The following PDE4D variants were observed in gnomAD, a reference collection of about 807,000 sequenced individuals.
The protein encoded by PDE4D is 3',5'-cyclic-AMP phosphodiesterase 4D.
PDE4D carries 24 observed loss-of-function variants against 87.4 expected under a neutral mutation model. The observed-to-expected ratio is 0.27, with a 90% CI of 0.20 to 0.39. The LOEUF (loss-of-function observed/expected upper bound fraction) is 0.39. Ranked by LOEUF, PDE4D falls within the 10% of genes least tolerant of loss-of-function variation. The pLI, the probability that PDE4D is intolerant of heterozygous loss-of-function variation, is 1.00. For synonymous variants in PDE4D, 384 were observed against 383.2 expected (o/e 1.00, Z -0.02); for missense variants, 714 against 1,041.0 (o/e 0.69, Z 4.32).
intron 1 of PDE4D, among the ~76,000 whole-genome samples, chr5:59,377,331 G>A (rs142689506): frequency 4.6e-5 from 7 of 151,820 alleles, no homozygotes; most frequent in South Asian, 2.1e-4. Context: ...GTAGGAGAAC[G>A]GCGTGAACCC....
chr5:60,178,350 A>G (rs1431190093), intron 2 of PDE4D, among the ~76,000 whole-genome samples: 3 of 152,106 alleles, frequency 2.0e-5, no homozygotes, highest in Non-Finnish European at 2.9e-5. Flanking sequence ...ACTCAAGGAT[A>G]TGGTCTTCTT....
intron 3 of PDE4D, among the ~76,000 whole-genome samples, chr5:59,975,400 T>C (rs899693197): frequency 2.0e-5 from 3 of 152,204 alleles, no homozygotes; most frequent in Non-Finnish European, 4.4e-5. Context: ...CCAAATATGA[T>C]CTATCTTTTG....
At chr5:59,613,460 T>C (rs146354317) in intron 1 of PDE4D, among the ~76,000 whole-genome samples, 1 of 152,286 alleles carries the variant, frequency 6.6e-6, no homozygotes, top group Non-Finnish European at 1.5e-5. Flanking sequence ...ATATAGACTT[T>C]GAAGTCTTGT....
At chr5:59,997,342 G>C (rs1763609809) in intron 2 of PDE4D, among the ~76,000 whole-genome samples, 1 of 152,086 alleles carries the variant, frequency 6.6e-6, no homozygotes, top group East Asian at 1.9e-4. Flanking sequence ...TCTCTCAAGT[G>C]TTTTGAAAAG....
chr5:59,591,988 T>C (rs77444982), intron 1 of PDE4D: 1,872 of 184,488 alleles, frequency 0.01, 40 homozygotes, highest in African/African-American at 0.041. Flanking sequence ...GTATGTGTAA[T>C]TATACATTTT....
chr5:59,250,141 C>G (rs993414625), intron 1 of PDE4D, among the ~76,000 whole-genome samples: 1 of 151,754 alleles, frequency 6.6e-6, no homozygotes, highest in African/African-American at 2.4e-5. Flanking sequence ...CATGCCTGGC[C>G]TCTTGCTAGG....
chr5:59,200,000 A>G (rs1463381445), intron 2 of PDE4D, among the ~76,000 whole-genome samples: 2 of 150,180 alleles, frequency 1.3e-5, no homozygotes, highest in Non-Finnish European at 3.0e-5. Context: ...GCATACATGC[A>G]TGCAACATAC....
chr5:59,464,338 C>T (rs1801239651), intron 1 of PDE4D, among the ~76,000 whole-genome samples: 1 of 152,236 alleles, frequency 6.6e-6, no homozygotes, highest in Admixed American at 6.5e-5. Flanking sequence ...ATTGTACGTT[C>T]CATCTACTGA....
At chr5:59,702,653 G>A (rs1016501935) in intron 1 of PDE4D, among the ~76,000 whole-genome samples, 2 of 151,908 alleles carry the variant, frequency 1.3e-5, no homozygotes, top group African/African-American at 2.4e-5. Context: ...AAGATGGCTT[G>A]AGTCCAGGAA....
At chr5:60,258,811 AC>A (rs1255829140) in intron 1 of PDE4D, among the ~76,000 whole-genome samples, 1 of 151,998 alleles carries the variant, frequency 6.6e-6, no homozygotes, top group Non-Finnish European at 1.5e-5. Flanking sequence ...TTTCCTATAT[AC>A]AAAAGAGCAA....
chr5:60,463,898 T>A (rs555106925), intron 1 of PDE4D, among the ~76,000 whole-genome samples: 1 of 152,352 alleles, frequency 6.6e-6, no homozygotes, highest in South Asian at 2.1e-4. Context: ...AGAAATAAAA[T>A]ACACACATAC....
chr5:59,995,551 C>T (rs954501394), intron 2 of PDE4D, among the ~76,000 whole-genome samples: 2 of 152,028 alleles, frequency 1.3e-5, no homozygotes, highest in African/African-American at 4.8e-5. Context: ...AACTCTTGAC[C>T]TCAGGTGATC....
intron 1 of PDE4D, among the ~76,000 whole-genome samples, chr5:60,217,472 A>G (rs1743991238): frequency 6.6e-6 from 1 of 151,984 alleles, no homozygotes; most frequent in Non-Finnish European, 1.5e-5. Flanking sequence ...GCATCTGTCA[A>G]TTTGAATGCA....
intron 1 of PDE4D, among the ~76,000 whole-genome samples, chr5:59,862,498 A>G (rs1319271239): frequency 1.3e-5 from 2 of 152,060 alleles, no homozygotes; most frequent in Non-Finnish European, 2.9e-5. Flanking sequence ...TTTAGTTCCT[A>G]CCTCTGGAAC....
intron 1 of PDE4D, among the ~76,000 whole-genome samples, chr5:59,231,166 T>C (rs1286840135): frequency 6.6e-6 from 1 of 152,196 alleles, no homozygotes; most frequent in African/African-American, 2.4e-5. Flanking sequence ...ACAATGATTT[T>C]ATAGAGTGAA....
chr5:59,588,076 T>C (rs1825438298), intron 1 of PDE4D, among the ~76,000 whole-genome samples: 1 of 152,154 alleles, frequency 6.6e-6, no homozygotes, highest in Non-Finnish European at 1.5e-5. Flanking sequence ...CACATGGTGA[T>C]TTTTGGACAG....
intron 3 of PDE4D, among the ~76,000 whole-genome samples, chr5:59,914,866 G>GGTGTGTGTGTGTGTGTGTGTGT (rs3062699): frequency 1.1e-4 from 14 of 122,614 alleles, no homozygotes; most frequent in Non-Finnish European, 1.7e-4. Context: ...TACTGATAGG[G>GGTGTGTGTGTGTGTGTGTGTGT]GTGTGTGTGT....
At chr5:59,199,350 A>G (rs753175090) in intron 2 of PDE4D, among the ~76,000 whole-genome samples, 39 of 149,800 alleles carry the variant, frequency 2.6e-4, no homozygotes, top group Non-Finnish European at 4.4e-4. Context: ...GTCTCAGTCT[A>G]TGGGGTGCCT....
chr5:59,660,663 A>AG (rs1445384977), intron 1 of PDE4D, among the ~76,000 whole-genome samples: 1 of 152,196 alleles, frequency 6.6e-6, no homozygotes, highest in Non-Finnish European at 1.5e-5. Flanking sequence ...AATATCACCC[A>AG]GGAAAAAAAG....
Sources: gnomAD v4.1 joint callset for allele counts (sites outside exome capture counted in the v4.1 genomes callset) on GRCh38, gnomAD v4.1.1 for gene constraint, MANE v1.5 for transcripts, NCBI Gene and HGNC (gene_info 2026-07-23, HGNC 2026-07-21) for gene names.